Variants in CAPN7 observed in about 807,000 individuals in gnomAD.
CAPN7 encodes the protein calpain-7.
CAPN7 carries 72 observed loss-of-function variants against 115.2 expected under a neutral mutation model. The ratio of observed to expected loss-of-function variants is 0.63; its 90% CI spans 0.52 to 0.76. CAPN7 has a LOEUF of 0.76. Ranked by LOEUF, CAPN7 falls within the 30% of genes least tolerant of loss-of-function variation. CAPN7 has a pLI of 0.00. For synonymous variants in CAPN7, 344 were observed against 322.3 expected (o/e 1.07, Z -0.72); for missense variants, 905 against 971.5 (o/e 0.93, Z 0.91).
chr3:15,246,658 C>T, intron 17 of CAPN7, 74 bp from the exon 18 acceptor site: 1 of 1,074,136 alleles, frequency 9.3e-7, no homozygotes, highest in South Asian at 1.3e-5. Flanking sequence ...TTTTAGTCTT[C>T]CAATATATTC....
At chr3:15,235,203 C>A in intron 12 of CAPN7, 58 bp downstream of exon 12, 1 of 1,460,820 alleles carries the variant, frequency 6.8e-7, no homozygotes, top group Non-Finnish European at 9.2e-7. Flanking sequence ...TTTCAGGGAT[C>A]CCAGATAATT....
In CAPN7 at chr3:15,232,641, A is replaced by G; in HGVS notation, c.1155A>G (p.Gly385=). The G allele has an allele frequency of 6.2e-7, 1 of 1,609,168 alleles. No individual in the cohort carries two copies. The highest frequency in any genetic ancestry group is 8.5e-7 in the Non-Finnish European group (1 of 1,178,244). The change falls in exon 10 of 21, where the codon GGA becomes GGG. Residue 385 remains glycine (G), a synonymous_variant. Coordinates refer to ENST00000253693, the MANE Select transcript of CAPN7 (RefSeq NM_014296.3). ...AAGCATACATGAAAGTCATGGGAGG[A>G]TATGATTTTCCAGGATCCAACTCCG... ...IEKAYMKVMG[G]YDFPGSNSNI... is the part of the protein sequence containing the mutation.
At chr3:15,238,377 G>A (rs111427078) in intron 12 of CAPN7, among the ~76,000 whole-genome samples, 112 of 152,022 alleles carry the variant, frequency 7.4e-4, no homozygotes, top group African/African-American at 2.6e-3. Context: ...GCCTCCCAAA[G>A]TGCTGGGATT....
Position 15,227,840 on chromosome 3 carries a change from G to A in CAPN7, c.727G>A (p.Asp243Asn). The change falls in exon 7 of 21, where the codon GAT (aspartate) becomes AAT (asparagine). Residue 243 changes from aspartate to asparagine, a missense_variant and splice_region_variant. Physicochemically the swap from Asp to Asn is conservative, Grantham distance 23. This residue lies in a region of CAPN7 where 620 missense variants were observed against 703.4 expected (regional missense o/e 0.88). Transcript: ENST00000253693. ...ERFAYPMPFC[D>N]RWGKLPLSPK... ...TTTTAATTTTTATTATTACCTCAGT[G>A]ATAGATGGGGCAAGCTACCATTATC... 1 of 1,494,258 alleles carries A rather than the reference G, an allele frequency of 6.7e-7. No individual in the cohort carries two copies. The allele number at this position is 1,494,258 out of a possible 1,614,324, so 92.6% of individuals were successfully genotyped here. A position where few individuals can be genotyped will look rare whatever the true frequency, so the allele number is the denominator to read the frequency against.
intron 2 of CAPN7, among the ~76,000 whole-genome samples, chr3:15,214,127 G>T (rs188736262): frequency 6.6e-6 from 1 of 151,960 alleles, no homozygotes; most frequent in African/African-American, 2.4e-5. Flanking sequence ...TGATCCACCC[G>T]CCTCGGCCTC....
chr3:15,229,561 CTTTTT>C (rs566957976), intron 8 of CAPN7, among the ~76,000 whole-genome samples: 14 of 87,876 alleles, frequency 1.6e-4, no homozygotes, highest in East Asian at 4.7e-4. Context: ...TACTTTTTTT[CTTTTT>C]TTTTTTTTTT....
At chr3:15,249,012 A>G (rs1695840209) in intron 19 of CAPN7, among the ~76,000 whole-genome samples, 1 of 149,470 alleles carries the variant, frequency 6.7e-6, no homozygotes, top group Admixed American at 6.6e-5. Context: ...CAACCAAAAA[A>G]AAAAAAAAAA....
At chr3:15,213,982 G>A (rs539911380) in intron 2 of CAPN7, among the ~76,000 whole-genome samples, 59 of 151,400 alleles carry the variant, frequency 3.9e-4, no homozygotes, top group African/African-American at 1.2e-3. Flanking sequence ...CGGGGTTCAC[G>A]CCATTCTCCT....
At chr3:15,209,138 G>A (rs1160662677) in intron 1 of CAPN7, among the ~76,000 whole-genome samples, 4 of 152,124 alleles carry the variant, frequency 2.6e-5, no homozygotes, top group Admixed American at 2.6e-4. Context: ...AGCCTCCTGA[G>A]TAGCTGGGAT....
intron 1 of CAPN7, among the ~76,000 whole-genome samples, chr3:15,210,319 T>TA (rs1293410659): frequency 6.6e-6 from 1 of 151,838 alleles, no homozygotes; most frequent in East Asian, 1.9e-4. Flanking sequence ...AATAATCACA[T>TA]ACAAGATAAC....
At chr3:15,220,518 G>A (rs551517821) in intron 4 of CAPN7, among the ~76,000 whole-genome samples, 4 of 152,152 alleles carry the variant, frequency 2.6e-5, no homozygotes, top group East Asian at 1.9e-4. Flanking sequence ...TGTTTTATAC[G>A]TTCTTTTATA....
intron 1 of CAPN7, among the ~76,000 whole-genome samples, chr3:15,207,282 C>T (rs1362107856): frequency 6.6e-6 from 1 of 152,022 alleles, no homozygotes; most frequent in East Asian, 1.9e-4. Flanking sequence ...GTACAGTAAA[C>T]ATGCAGCATA....
In CAPN7 at chr3:15,208,453, ATTTTTTTTT is replaced by A. The variant is rs1218217326; in HGVS notation, c.102+1870_102+1878del. ...AGGTAGACACAACCACACTTGGCTA[ATTTTTTTTT>A]TTTTTTTTTTTTTGTGTAGAAATGG... On this transcript the variant is annotated intron_variant, in intron 1 of 20. Transcript: ENST00000253693. Among the ~76,000 whole-genome samples, 10 of 126,148 alleles carry A rather than the reference ATTTTTTTTT, an allele frequency of 7.9e-5. 1 individual carries two copies. Among genetic ancestry groups the A allele is most frequent in the South Asian group, 5.0e-4 (2 of 3,990 alleles). The allele number at this position is 126,148 out of a possible 152,430, so 82.8% of individuals were successfully genotyped here.
chr3:15,246,585 C>T, intron 17 of CAPN7, 147 bp from the exon 18 acceptor site: 1 of 620,886 alleles, frequency 1.6e-6, no homozygotes, highest in Non-Finnish European at 2.9e-6. Context: ...TCTCAGTTCC[C>T]AGCTCATTAA....
chr3:15,221,412 C>T lies in CAPN7; in HGVS notation c.638+431C>T, dbSNP rs372602880. Among the ~76,000 whole-genome samples the T allele has an allele frequency of 3.4e-5, 5 of 145,120 alleles. No homozygotes were observed. The South Asian group carries it at 8.6e-4, about 25-fold the overall frequency. Reference sequence around the variant, plus strand: ...TTCATAATGTTGGCCAGGCTGGTCTCGAGCTCCTGACCTCAGGTGATTCGC... The same window carrying T: ...TTCATAATGTTGGCCAGGCTGGTCTTGAGCTCCTGACCTCAGGTGATTCGC... On this transcript the variant is annotated intron_variant, in intron 5 of 20. Coordinates refer to ENST00000253693, the MANE Select transcript of CAPN7 (RefSeq NM_014296.3).
chr3:15,217,338 TA>T, intron 2 of CAPN7, 86 bp from the exon 3 acceptor site: 1 of 1,188,938 alleles, frequency 8.4e-7, no homozygotes, highest in Non-Finnish European at 1.1e-6. Flanking sequence ...AGGGTTTTGG[TA>T]AAAAATGTCT....
chr3:15,220,783 C>T lies in CAPN7; in HGVS notation c.440C>T (p.Ala147Val), dbSNP rs141020831. 2 of 1,614,058 alleles carry T rather than the reference C, an allele frequency of 1.2e-6. No homozygotes were observed. Among genetic ancestry groups the T allele is most frequent in the Non-Finnish European group, 1.7e-6 (2 of 1,179,954 alleles). Residue 147 changes from alanine to valine, a missense_variant and splice_region_variant, in exon 5 of 21, where the codon GCA becomes GTA. Physicochemically the swap from Ala to Val is moderately conservative, Grantham distance 64. Coordinates refer to ENST00000253693, the MANE Select transcript of CAPN7 (RefSeq NM_014296.3). ...KQLARQALDR[A>V]EALSEPLTKP... ...TTGTTTGTTCCTCTCTGTTATAGAG[C>T]AGAAGCGCTGAGTGAGCCTTTGACC...
At chr3:15,239,668 C>G (rs1052324875) in intron 12 of CAPN7, among the ~76,000 whole-genome samples, 1 of 152,150 alleles carries the variant, frequency 6.6e-6, no homozygotes, top group African/African-American at 2.4e-5. Context: ...TTACTAAATG[C>G]TAGATACTTT....
intron 5 of CAPN7, among the ~76,000 whole-genome samples, chr3:15,222,572 T>G (rs1449512135): frequency 6.6e-6 from 1 of 152,202 alleles, no homozygotes; most frequent in East Asian, 1.9e-4. Flanking sequence ...TCCCTTTGTC[T>G]AGGAAAAATT....
Sources: allele counts gnomAD v4.1 joint callset (sites outside exome capture counted in the v4.1 genomes callset), GRCh38; gene constraint gnomAD v4.1.1; regional missense constraint gnomAD v4.1.1; transcripts MANE v1.5; gene names NCBI Gene and HGNC (gene_info 2026-07-23, HGNC 2026-07-21).